Variants in SLC7A1 observed in about 807,000 individuals in gnomAD.
The protein encoded by SLC7A1 is high affinity cationic amino acid transporter 1.
Under a neutral mutation model 53.9 loss-of-function variants are expected in SLC7A1, and 10 were observed. That is an observed-to-expected ratio of 0.19 (90% confidence interval 0.11 to 0.31). The LOEUF is 0.31. SLC7A1 is among the 10% of genes least tolerant of loss of function. The probability of loss-of-function intolerance (pLI) is 1.00; values close to 1 mark genes in which losing one functional copy is unlikely to be tolerated. For missense variants in SLC7A1, 525 were observed against 827.2 expected (o/e 0.63, Z 4.48); for synonymous variants, 342 against 338.7 (o/e 1.01, Z -0.11).
At chr13:29,523,913 T>C (rs988609001) in intron 6 of SLC7A1, among the ~76,000 whole-genome samples, 1 of 152,194 alleles carries the variant, frequency 6.6e-6, no homozygotes, top group African/African-American at 2.4e-5. Context: ...AGCGGAACCT[T>C]AGCCTTATTC....
At position 29,516,220 on chromosome 13, in the gene SLC7A1, G is replaced by C. The variant is rs1235918782; in HGVS notation, c.1704C>G (p.Ile568Met). The stretch of plus-strand genomic sequence containing the variant: ...GATAGACGTTCACGAAGATGCTCAG[G>C]ATGGGGAGCACTGGCAGGAAGGGAA... ...FKVPFLPVLP[I>M]LSIFVNVYLM... The change falls in exon 12 of 13, where the codon ATC becomes ATG. Residue 568 changes from isoleucine to methionine, a missense_variant. Ile to Met is a conservative substitution (Grantham distance 10). Around this residue, in one of 4 missense-constraint regions of SLC7A1, gnomAD observed 8 missense variants for 37.5 expected, o/e 0.21. Coordinates refer to ENST00000380752, the MANE Select transcript of SLC7A1 (RefSeq NM_003045.5). The C allele has an allele frequency of 1.9e-6, 3 of 1,613,434 alleles. No homozygotes were observed. The highest frequency in any genetic ancestry group is 1.1e-5 in the South Asian group (1 of 90,810).
chr13:29,563,257 C>T (rs1870836881), intron 1 of SLC7A1, among the ~76,000 whole-genome samples: 1 of 152,214 alleles, frequency 6.6e-6, no homozygotes, highest in Admixed American at 6.5e-5. Context: ...CTACCATGCA[C>T]AGGGCAGTTC....
At chr13:29,584,093 A>G (rs166827) in intron 1 of SLC7A1, among the ~76,000 whole-genome samples, 149,508 of 152,130 alleles carry the variant, frequency 0.98, 73,540 homozygotes, top group East Asian at 1. Context: ...AACAATGGTG[A>G]TGGTAATATT....
rs1593534182 is a variant in SLC7A1 at position 29,511,020 on chromosome 13, A to G, written c.*3460T>C. 1 of 152,316 alleles carries G rather than the reference A, an allele frequency of 6.6e-6. No individual in the cohort carries two copies. Among genetic ancestry groups the G allele is most frequent in the South Asian group, 2.1e-4 (1 of 4,834 alleles). The allele number at this position is 152,316 out of a possible 1,614,324, so 9.4% of individuals were successfully genotyped here. A position where few individuals can be genotyped will look rare whatever the true frequency, so the allele number is the denominator to read the frequency against. ...GGCCATGCCACGTGGGACTGCAAAC[A>G]CCAGCCAGTTCACAATGCCTGCTCC... On this transcript the variant is annotated 3_prime_UTR_variant, in exon 13 of 13. Transcript: ENST00000380752.
chr13:29,592,506 A>C (rs1049714490), intron 1 of SLC7A1, among the ~76,000 whole-genome samples: 3 of 152,008 alleles, frequency 2.0e-5, no homozygotes, highest in African/African-American at 7.3e-5. Flanking sequence ...CCACCAAATC[A>C]TTTTCCCAGT....
At chr13:29,585,352 G>A (rs748138628) in intron 1 of SLC7A1, among the ~76,000 whole-genome samples, 1 of 152,146 alleles carries the variant, frequency 6.6e-6, no homozygotes, top group Non-Finnish European at 1.5e-5. Context: ...TCTAAACCTA[G>A]TGTGTTTTGC....
chr13:29,522,484 G>T (rs1224385559), intron 7 of SLC7A1, 28 bp from the exon 8 acceptor site: 1 of 1,613,732 alleles, frequency 6.2e-7, no homozygotes, highest in African/African-American at 1.3e-5. Context: ...AACCGCGTGA[G>T]TGAACCTGGC....
chr13:29,563,229 T>G (rs969075400), intron 1 of SLC7A1, among the ~76,000 whole-genome samples: 1 of 152,210 alleles, frequency 6.6e-6, no homozygotes, highest in African/African-American at 2.4e-5. Flanking sequence ...AGGCAGAGGC[T>G]AAGGATACAG....
In SLC7A1 at chr13:29,516,241, G is replaced by A. The variant is rs1160920513; in HGVS notation, c.1683C>T (p.Pro561=). 6.2e-7 allele frequency: 1 copy of A among 1,610,992 alleles called. No homozygotes were observed. Among genetic ancestry groups the A allele is most frequent in the Non-Finnish European group, 8.5e-7 (1 of 1,178,102 alleles). ...ESKTKLSFKV[P]FLPVLPILSI... ...TCAGGATGGGGAGCACTGGCAGGAA[G>A]GGAACCTGAAGAGACAGGAGGTGGC... Residue 561 remains proline, a synonymous_variant, in exon 12 of 13, where the codon CCC becomes CCT. Coordinates refer to ENST00000380752, the MANE Select transcript of SLC7A1 (RefSeq NM_003045.5).
intron 2 of SLC7A1, among the ~76,000 whole-genome samples, chr13:29,543,549 T>C (rs890852706): frequency 2.0e-5 from 3 of 152,170 alleles, no homozygotes; most frequent in African/African-American, 7.2e-5. Flanking sequence ...TGAGGTCCCA[T>C]AGACAAAGTT....
chr13:29,536,011 C>T lies in SLC7A1; in HGVS notation c.178G>A (p.Glu60Lys). Residue 60 changes from glutamate to lysine, a missense_variant, in exon 3 of 13, where the codon GAG becomes AAG. Around this residue, in one of 4 missense-constraint regions of SLC7A1, gnomAD observed 354 missense variants for 587.5 expected, o/e 0.60. Transcript: ENST00000380752. ...VYVLAGAVAR[E>K]NAGPAIVISF... is the part of the protein sequence containing the mutation. ...ATGACAATGGCAGGGCCTGCATTCT[C>T]ACGGGCCACAGCTCCAGCCAGGACG... is the stretch of plus-strand genomic sequence containing the variant. The T allele has an allele frequency of 6.2e-7, 1 of 1,614,020 alleles. No homozygotes were observed. Among genetic ancestry groups the T allele is most frequent in the Non-Finnish European group, 8.5e-7 (1 of 1,180,036 alleles).
intron 1 of SLC7A1, among the ~76,000 whole-genome samples, chr13:29,554,485 C>T (rs1244765743): frequency 6.6e-6 from 1 of 152,096 alleles, no homozygotes; most frequent in Non-Finnish European, 1.5e-5. Context: ...GGAATGGAAT[C>T]GTGCTGGCCA....
intron 1 of SLC7A1, among the ~76,000 whole-genome samples, chr13:29,577,365 C>A (rs1871451787): frequency 1.3e-5 from 2 of 152,222 alleles, no homozygotes; most frequent in East Asian, 1.9e-4. Context: ...ACAGTTGGAG[C>A]CAAATACACG....
At chr13:29,538,863 T>C (rs979532022) in intron 2 of SLC7A1, among the ~76,000 whole-genome samples, 1 of 152,164 alleles carries the variant, frequency 6.6e-6, no homozygotes, top group Non-Finnish European at 1.5e-5. Context: ...GTCGTTTAAG[T>C]AGACGGAGCC....
At chr13:29,553,317 G>A (rs186767680) in intron 2 of SLC7A1, among the ~76,000 whole-genome samples, 5 of 152,306 alleles carry the variant, frequency 3.3e-5, no homozygotes, top group South Asian at 2.1e-4. Flanking sequence ...CATCACAGCC[G>A]CTGTGCTGCA....
rs879758792 is a variant in SLC7A1, at chr13:29,556,813, T to C, written c.-114-2953A>G. On this transcript the variant is annotated intron_variant, in intron 1 of 12. Transcript: ENST00000380752. ...AGTTTGAGAACCACTGCTTGTAAGG[T>C]TGCCCAGTGAAATGAACACAGCCAA... 3.3e-5 allele frequency among the ~76,000 whole-genome samples: 5 copies of C among 152,230 alleles called. No homozygotes were observed. In the East Asian group the frequency reaches 9.6e-4, roughly 29 times the overall value.
At chr13:29,589,216 C>T (rs376718001) in intron 1 of SLC7A1, among the ~76,000 whole-genome samples, 11 of 152,364 alleles carry the variant, frequency 7.2e-5, no homozygotes, top group African/African-American at 2.4e-4. Context: ...AGGATGACAG[C>T]GGCCACTGGC....
intron 1 of SLC7A1, among the ~76,000 whole-genome samples, chr13:29,588,375 T>G (rs1454823295): frequency 6.6e-6 from 1 of 152,182 alleles, no homozygotes; most frequent in East Asian, 1.9e-4. Flanking sequence ...AAAAAATGTA[T>G]GTGTCTGTGT....
intron 1 of SLC7A1, among the ~76,000 whole-genome samples, chr13:29,580,456 C>CT (rs1254250347): frequency 6.6e-6 from 1 of 152,106 alleles, no homozygotes; most frequent in Admixed American, 6.5e-5. Context: ...TGTTACCCCT[C>CT]TTCATGCCCA....
Sources: allele counts gnomAD v4.1 joint callset (sites outside exome capture counted in the v4.1 genomes callset), GRCh38; gene constraint gnomAD v4.1.1; regional missense constraint gnomAD v4.1.1; transcripts MANE v1.5; gene names NCBI Gene and HGNC (gene_info 2026-07-23, HGNC 2026-07-21).